The following PDE8A variants were observed in gnomAD, a reference collection of about 807,000 sequenced individuals.
PDE8A encodes the protein phosphodiesterase 8A, also known as high affinity cAMP-specific and IBMX-insensitive 3',5'-cyclic phosphodiesterase 8A.
A neutral mutation model predicts 105.0 loss-of-function variants in PDE8A; 59 were observed. That is an observed-to-expected ratio of 0.56 (90% CI 0.46 to 0.70). The LOEUF (loss-of-function observed/expected upper bound fraction) is 0.70. Among genes scored for constraint, PDE8A ranks in the 30% least tolerant of loss-of-function variants. The probability of loss-of-function intolerance (pLI) is 0.00; values close to 1 mark genes in which losing one functional copy is unlikely to be tolerated. For missense variants in PDE8A, 1,014 were observed against 1,045.9 expected, an observed-to-expected ratio of 0.97 and a Z score of 0.42; for synonymous variants, 355 against 371.9, an observed-to-expected ratio of 0.95 and a Z score of 0.52.
intron 1 of PDE8A, among the ~76,000 whole-genome samples, chr15:85,003,532 G>A (rs1325186701): frequency 6.6e-6 from 1 of 152,160 alleles, no homozygotes; most frequent in East Asian, 1.9e-4. Flanking sequence ...CAGAACAATA[G>A]CTGTCCCTGC....
At chr15:85,011,906 T>C (rs950794071) in intron 1 of PDE8A, among the ~76,000 whole-genome samples, 25 of 152,216 alleles carry the variant, frequency 1.6e-4, no homozygotes, top group African/African-American at 6.0e-4. Context: ...CAGACACTTC[T>C]CAAATTAAGA....
chr15:85,091,457 A>G (rs2081642359), intron 8 of PDE8A, among the ~76,000 whole-genome samples: 1 of 152,204 alleles, frequency 6.6e-6, no homozygotes, highest in Non-Finnish European at 1.5e-5. Flanking sequence ...GATATTTCTA[A>G]TAATTGGTCT....
At chr15:85,044,512 A>G (rs947226964) in intron 1 of PDE8A, among the ~76,000 whole-genome samples, 1 of 152,202 alleles carries the variant, frequency 6.6e-6, no homozygotes, top group Non-Finnish European at 1.5e-5. Context: ...GTTGCTACTA[A>G]GATGCCTTGC....
chr15:84,982,470 G>A, intron 1 of PDE8A, 122 bp downstream of exon 1: 3 of 547,152 alleles, frequency 5.5e-6, no homozygotes, highest in Non-Finnish European at 8.5e-6. Flanking sequence ...GTCCCGCTTT[G>A]GATGGTTCTG....
chr15:85,082,902 G>T (rs886066662), intron 5 of PDE8A, among the ~76,000 whole-genome samples: 1 of 152,168 alleles, frequency 6.6e-6, no homozygotes, highest in African/African-American at 2.4e-5. Flanking sequence ...TCACTTTGTC[G>T]TGAGATATTT....
At position 85,067,143 on chromosome 15, in the gene PDE8A, C is replaced by A. The variant is rs201204600; in HGVS notation, c.373C>A (p.His125Asn). The change falls in exon 3 of 22, where the codon CAT becomes AAT. Residue 125 changes from histidine (H) to asparagine (N), a missense_variant. Transcript: ENST00000394553. ...AVLACFLDKH[H>N]DIIIIDHRNP... ...CCTTGCCTGTTTCCTGGACAAACATCATGACATTATCATCATAGACCACAG... is the reference window on the plus strand; with the variant it reads ...CCTTGCCTGTTTCCTGGACAAACATAATGACATTATCATCATAGACCACAG... 9 of 1,613,908 alleles carry A rather than the reference C, an allele frequency of 5.6e-6. No homozygotes were observed. The highest frequency in any genetic ancestry group is 5.9e-6 in the Non-Finnish European group (7 of 1,179,948).
chr15:85,040,981 G>A (rs2080798055), intron 1 of PDE8A, among the ~76,000 whole-genome samples: 1 of 152,056 alleles, frequency 6.6e-6, no homozygotes, highest in Non-Finnish European at 1.5e-5. Context: ...GATATACTGA[G>A]AATGCTCGTA....
At chr15:85,030,116 T>C (rs2080588791) in intron 1 of PDE8A, among the ~76,000 whole-genome samples, 1 of 152,150 alleles carries the variant, frequency 6.6e-6, no homozygotes. Context: ...AGCTCCAACC[T>C]CCCTTTGGTT....
chr15:85,089,841 C>G (rs914426291), intron 7 of PDE8A, among the ~76,000 whole-genome samples: 1 of 152,138 alleles, frequency 6.6e-6, no homozygotes, highest in Non-Finnish European at 1.5e-5. Context: ...ATACTAGAAA[C>G]AACTAAAAGT....
chr15:85,055,632 C>T (rs991680548), intron 1 of PDE8A, among the ~76,000 whole-genome samples: 2 of 152,092 alleles, frequency 1.3e-5, no homozygotes, highest in Non-Finnish European at 2.9e-5. Flanking sequence ...AGGATTGCAA[C>T]CCCTACTATT....
chr15:85,100,696 C>T (rs1347651998), intron 11 of PDE8A, among the ~76,000 whole-genome samples: 46 of 152,180 alleles, frequency 3.0e-4, no homozygotes, highest in Admixed American at 3.0e-3. Context: ...TTGGAGTCAC[C>T]TGTTTCCTTC....
chr15:84,983,924 G>C (rs948134731), intron 1 of PDE8A, among the ~76,000 whole-genome samples: 1 of 152,226 alleles, frequency 6.6e-6, no homozygotes, highest in African/African-American at 2.4e-5. Context: ...TCGCAGTGCC[G>C]TTAGGTCCCT....
At chr15:85,065,483 TAAAAA>T (rs573642824) in intron 2 of PDE8A, among the ~76,000 whole-genome samples, 3 of 141,942 alleles carry the variant, frequency 2.1e-5, no homozygotes, top group Admixed American at 7.0e-5. Context: ...AAAGTATAAT[TAAAAA>T]AAAAAAAAAG....
chr15:85,099,191 T>TA (rs975209355), intron 9 of PDE8A, among the ~76,000 whole-genome samples: 1 of 152,194 alleles, frequency 6.6e-6, no homozygotes. Flanking sequence ...CCATCCTAAC[T>TA]GCAGCCCTGT....
Position 85,075,891 on chromosome 15 carries a change from A to G in PDE8A, c.464A>G (p.Asn155Ser), listed in dbSNP as rs1477395197. Reference protein sequence around the residue: ...RSIRSSKLSENTVIVGVVRRV... With the variant: ...RSIRSSKLSESTVIVGVVRRV... ...ATCAGATCATCAAAACTCTCAGAAA[A>G]CACAGTTATTGTTGGTGTAGTACGC... The change falls in exon 4 of 22, where the codon AAC (asparagine) becomes AGC (serine). Residue 155 changes from asparagine (N) to serine (S), a missense_variant. Asn to Ser is a conservative substitution (Grantham distance 46). Transcript: ENST00000394553. 5 of 1,574,626 alleles carry G rather than the reference A, an allele frequency of 3.2e-6. No individual in the cohort carries two copies. Among genetic ancestry groups the G allele is most frequent in the Non-Finnish European group, 8.7e-7 (1 of 1,148,464 alleles).
intron 1 of PDE8A, among the ~76,000 whole-genome samples, chr15:85,053,782 C>G (rs1163772082): frequency 6.6e-6 from 1 of 152,198 alleles, no homozygotes; most frequent in Non-Finnish European, 1.5e-5. Flanking sequence ...ATTTGACTTC[C>G]TCTTTTCCTA....
At position 85,138,897 on chromosome 15, in the gene PDE8A, A is replaced by AAAAC. The variant is rs577753119; in HGVS notation, c.*998_*1001dup. On this transcript the variant is annotated 3_prime_UTR_variant, in exon 22 of 22. Transcript: ENST00000394553. ...CTGTTTCTACAAAATATTCCTTATA[A>AAAAC]AAACAAAGAACAAAAATTGAATATT... is the stretch of plus-strand genomic sequence containing the variant. 73 of 152,334 alleles carry AAAAC rather than the reference A, an allele frequency of 4.8e-4. 1 individual carries two copies. The highest frequency in any genetic ancestry group is 4.1e-3 in the Admixed American group (63 of 15,296). 9.4% of individuals were successfully genotyped at this position (152,334 alleles called of 1,614,324 possible). A position where few individuals can be genotyped will look rare whatever the true frequency, so the allele number is the denominator to read the frequency against.
chr15:85,082,521 G>C (rs1456868720), intron 5 of PDE8A, among the ~76,000 whole-genome samples: 2 of 152,168 alleles, frequency 1.3e-5, no homozygotes, highest in Non-Finnish European at 2.9e-5. Flanking sequence ...CCAAGGGCTA[G>C]ATTTTTAGGT....
chr15:85,116,216 C>A, intron 16 of PDE8A, 97 bp downstream of exon 16: 2 of 1,323,700 alleles, frequency 1.5e-6, no homozygotes, highest in Non-Finnish European at 1.1e-6. Flanking sequence ...AAGCCTGGTA[C>A]CTGGTCAGGG....
Sources: allele counts gnomAD v4.1 joint callset (sites outside exome capture counted in the v4.1 genomes callset), GRCh38; gene constraint gnomAD v4.1.1; transcripts MANE v1.5; gene names NCBI Gene and HGNC (gene_info 2026-07-23, HGNC 2026-07-21).